The following TTC7A variants were observed in gnomAD, a reference collection of about 807,000 sequenced individuals.
TTC7A encodes tetratricopeptide repeat protein 7A.
In TTC7A, 110 loss-of-function variants were observed where a neutral mutation model predicts 103.7. The ratio of observed to expected loss-of-function variants is 1.06; its 90% CI spans 0.91 to 1.24. The LOEUF is 1.24. Among genes scored for constraint, TTC7A ranks in the 50% most tolerant of loss-of-function variants. The pLI is 0.00. For synonymous variants in TTC7A, 521 were observed against 467.9 expected (o/e 1.11, Z -1.47); for missense variants, 1,340 against 1,116.3 (o/e 1.20, Z -2.86).
intron 19 of TTC7A, among the ~76,000 whole-genome samples, chr2:47,067,226 C>A (rs903686032): frequency 6.6e-6 from 1 of 152,244 alleles, no homozygotes; most frequent in Non-Finnish European, 1.5e-5. Flanking sequence ...TTTCTGCTAT[C>A]AAATTGGGAT....
chr2:47,071,921 C>G (rs893488430), intron 19 of TTC7A, among the ~76,000 whole-genome samples: 1 of 152,266 alleles, frequency 6.6e-6, no homozygotes, highest in African/African-American at 2.4e-5. Context: ...CTGGCCCTCT[C>G]TGGGAGGCCT....
upstream of TTC7A, among the ~76,000 whole-genome samples, chr2:46,938,854 T>C (rs1670108755): frequency 1.3e-5 from 2 of 150,934 alleles, no homozygotes; most frequent in Admixed American, 1.3e-4. Flanking sequence ...CTACTAAAAA[T>C]ACAAAAATTA....
At chr2:47,006,097 T>C in intron 9 of TTC7A, 38 bp downstream of exon 9, 2 of 1,601,956 alleles carry the variant, frequency 1.2e-6, no homozygotes, top group African/African-American at 1.3e-5. Context: ...CTCTCCGGAG[T>C]CAGGTGGTCT....
intron 2 of TTC7A, among the ~76,000 whole-genome samples, chr2:46,918,329 T>C (rs186076125): frequency 6.6e-6 from 1 of 152,354 alleles, no homozygotes; most frequent in East Asian, 1.9e-4. Flanking sequence ...GCTATCAAAA[T>C]GTATCCTGAG....
At chr2:46,957,727 C>T (rs2104026440) in intron 3 of TTC7A, among the ~76,000 whole-genome samples, 1 of 152,326 alleles carries the variant, frequency 6.6e-6, no homozygotes, top group Admixed American at 6.5e-5. Context: ...CATCCTACCC[C>T]AAACTTTGTG....
At chr2:46,956,513 G>A in intron 2 of TTC7A, 1 of 295,758 alleles carries the variant, frequency 3.4e-6, no homozygotes, top group Non-Finnish European at 6.4e-6. Context: ...GTGCCCCCTG[G>A]GGCTGCAGTC....
intron 5 of TTC7A, among the ~76,000 whole-genome samples, chr2:46,982,854 C>T (rs1423908596): frequency 6.6e-6 from 1 of 152,100 alleles, no homozygotes; most frequent in Admixed American, 6.5e-5. Flanking sequence ...GTGGTCCTAG[C>T]TGCTCGGGAG....
chr2:46,941,689 G>C lies in TTC7A; in HGVS notation c.148G>C (p.Gly50Arg), dbSNP rs1288910906. 26 of 1,551,210 alleles carry C rather than the reference G, an allele frequency of 1.7e-5. No homozygotes were observed. The highest frequency in any genetic ancestry group is 1.9e-5 in the Non-Finnish European group (22 of 1,147,690). Residue 50 changes from glycine to arginine, a missense_variant, in exon 1 of 20, where the codon GGC (glycine) becomes CGC (arginine). Coordinates refer to ENST00000319190, the MANE Select transcript of TTC7A (RefSeq NM_020458.4). The surrounding 1 kb of genome is among the most constrained non-coding windows in gnomAD (Gnocchi z 4.2). ...GCCCGGCGGCGGAGGTAACAGGCGA[G>C]GCAGCCCGAGCGCAGCGTTCACCTT... ...SMPGGGGNRR[G>R]SPSAAFTFPD...
rs372187840 is a variant in TTC7A, at chr2:47,063,294, G to T, written c.2355+2323G>T. ...GTTCTAATCAAATGAGGTGATGCAT[G>T]TGAAAGTGTAAATATGTGCAGTGCA... On this transcript the variant is annotated intron_variant, in intron 19 of 19. Coordinates refer to ENST00000319190, the MANE Select transcript of TTC7A (RefSeq NM_020458.4). 7.2e-5 allele frequency among the ~76,000 whole-genome samples: 11 copies of T among 152,346 alleles called. No homozygotes were observed. In the South Asian group the frequency reaches 2.3e-3, roughly 32 times the overall value.
At chr2:47,029,441 C>T (rs1052647345) in intron 15 of TTC7A, 57 bp downstream of exon 15, 26 of 1,580,718 alleles carry the variant, frequency 1.6e-5, no homozygotes, top group South Asian at 8.9e-5. Context: ...CTGCAGCAGG[C>T]GCCCATGCAC....
rs189937885 is a variant in TTC7A, at chr2:46,965,449, A to G, written c.517+8442A>G. Among the ~76,000 whole-genome samples, 8 of 152,226 alleles carry G rather than the reference A, an allele frequency of 5.3e-5. No homozygotes were observed. In the East Asian group the frequency reaches 1.2e-3, roughly 22 times the overall value. The stretch of plus-strand genomic sequence containing the variant: ...GTGAGAGGCTGGCTTCCAGATGGAG[A>G]AGGAGGAGCAGGCTGCTAGGGGATC... On this transcript the variant is annotated intron_variant, in intron 3 of 19. Transcript: ENST00000319190.
At chr2:47,003,764 C>T (rs1215088114) in intron 8 of TTC7A, among the ~76,000 whole-genome samples, 1 of 152,228 alleles carries the variant, frequency 6.6e-6, no homozygotes, top group African/African-American at 2.4e-5. Flanking sequence ...CCTGTTCTCC[C>T]CATGGGCAGG....
Position 47,075,835 on chromosome 2 carries a change from T to C in TTC7A, c.*1912T>C, listed in dbSNP as rs563342310. 1 of 152,498 alleles carries C rather than the reference T, an allele frequency of 6.6e-6. No homozygotes were observed. Among genetic ancestry groups the C allele is most frequent in the South Asian group, 2.1e-4 (1 of 4,842 alleles). The allele number at this position is 152,498 out of a possible 1,614,324, so 9.4% of individuals were successfully genotyped here. A position where few individuals can be genotyped will look rare whatever the true frequency, so the allele number is the denominator to read the frequency against. On this transcript the variant is annotated 3_prime_UTR_variant, in exon 20 of 20. Coordinates refer to ENST00000319190, the MANE Select transcript of TTC7A (RefSeq NM_020458.4). ...AGAGGGGTCCAGGCAGGGCTGATCC[T>C]GGCCTCTGACCTGTCCAGGGCGACC... is the stretch of plus-strand genomic sequence containing the variant.
chr2:46,917,387 C>T, intron 2 of TTC7A: 1 of 582,416 alleles, frequency 1.7e-6, no homozygotes, highest in South Asian at 2.1e-5. Flanking sequence ...TGATCTAGTT[C>T]CTCCTTCTAC....
rs376400515 is a variant in TTC7A, at chr2:47,023,346, A to G, written c.1511-62A>G. The G allele has an allele frequency of 2.8e-4, 435 of 1,557,614 alleles. 1 individual carries two copies. The African/African-American group carries it at 4.8e-3, about 17-fold the overall frequency. The stretch of plus-strand genomic sequence containing the variant: ...GAGCTGTGTGCTTTGAGGATGGTGC[A>G]GGGCTGGGCCGGCACCCTTCAGTGA... On this transcript the variant is annotated intron_variant, in intron 12 of 19. Transcript: ENST00000319190.
chr2:46,997,963 G>A (rs1315828356), intron 8 of TTC7A, among the ~76,000 whole-genome samples: 1 of 152,266 alleles, frequency 6.6e-6, no homozygotes, highest in Non-Finnish European at 1.5e-5. Context: ...TTGGAGCCAG[G>A]TGGGTTTTCC....
chr2:47,051,308 T>G (rs1482150103), intron 17 of TTC7A, among the ~76,000 whole-genome samples: 1 of 152,252 alleles, frequency 6.6e-6, no homozygotes, highest in East Asian at 1.9e-4. Context: ...CTTGCTTGTT[T>G]TCACCTAACT....
chr2:46,944,498 G>C (rs778239761), intron 1 of TTC7A, among the ~76,000 whole-genome samples: 1 of 147,000 alleles, frequency 6.8e-6, no homozygotes, highest in African/African-American at 2.5e-5. Context: ...TTCCACCTCA[G>C]CCTCCTGACT....
At chr2:47,025,486 C>G (rs1045685335) in intron 14 of TTC7A, among the ~76,000 whole-genome samples, 3 of 152,176 alleles carry the variant, frequency 2.0e-5, no homozygotes, top group Non-Finnish European at 2.9e-5. Context: ...CTGGGGCAAG[C>G]CAGGCTCTGC....
Sources: allele counts gnomAD v4.1 joint callset (sites outside exome capture counted in the v4.1 genomes callset), GRCh38; gene constraint gnomAD v4.1.1; non-coding constraint Gnocchi (gnomAD v3.1); transcripts MANE v1.5; gene names NCBI Gene and HGNC (gene_info 2026-07-23, HGNC 2026-07-21).